PCDHA3: variants seen among roughly 807,000 people sequenced by gnomAD.
PCDHA3 encodes protocadherin alpha 3.
PCDHA3 carries 41 observed loss-of-function variants against 62.2 expected under a neutral mutation model. The observed-to-expected ratio is 0.66, with a 90% CI of 0.51 to 0.86. The LOEUF (loss-of-function observed/expected upper bound fraction) is 0.86, where lower values mean the gene tolerates loss of function less well. PCDHA3 is among the 40% of genes least tolerant of loss of function. The probability of loss-of-function intolerance (pLI) is 0.00; values close to 1 mark genes in which losing one functional copy is unlikely to be tolerated. For missense variants in PCDHA3, 1,304 were observed against 1,241.2 expected, an observed-to-expected ratio of 1.05 and a Z score of -0.76; for synonymous variants, 640 against 555.4, an observed-to-expected ratio of 1.15 and a Z score of -2.14.
At chr5:140,843,912 C>T in intron 1 of PCDHA3, 1 of 634,402 alleles carries the variant, frequency 1.6e-6, no homozygotes, top group East Asian at 2.9e-5. Flanking sequence ...CAAGTTGGGT[C>T]TATCTTGAAA....
chr5:140,843,328 G>T lies in PCDHA3; in HGVS notation c.2394+39737G>T, dbSNP rs2150357585. On this transcript the variant is annotated intron_variant, in intron 1 of 3. Coordinates refer to ENST00000522353, the MANE Select transcript of PCDHA3 (RefSeq NM_018906.3). ...CCACGGCCACGGTTCTGGTGTCGCT[G>T]GTGGAGAGCGGCCAGGCTCCAAAAG... 18 of 1,595,922 alleles carry T rather than the reference G, an allele frequency of 1.1e-5. 1 individual carries two copies. The South Asian group carries it at 1.7e-4, about 15-fold the overall frequency.
chr5:140,915,850 C>A (rs2077335554), intron 1 of PCDHA3, among the ~76,000 whole-genome samples: 1 of 152,140 alleles, frequency 6.6e-6, no homozygotes, highest in South Asian at 2.1e-4. Context: ...GGGGTGACAC[C>A]AGCCAAGTTT....
intron 1 of PCDHA3, chr5:140,928,682 C>T (rs782513735): frequency 6.2e-7 from 1 of 1,614,174 alleles, no homozygotes; most frequent in Non-Finnish European, 8.5e-7. Flanking sequence ...GCCTGGCTTT[C>T]CTACCACATC....
chr5:140,855,609 T>C (rs1471221233), intron 1 of PCDHA3, among the ~76,000 whole-genome samples: 1 of 149,748 alleles, frequency 6.7e-6, no homozygotes, highest in African/African-American at 2.5e-5. Flanking sequence ...TATGCAAATA[T>C]TAAGGGCATT....
rs190430267 is a variant in PCDHA3 at position 140,870,766 on chromosome 5, C to A, written c.2394+67175C>A. The A allele has an allele frequency of 3.4e-4, 554 of 1,613,562 alleles. 3 individuals are homozygous for A. The African/African-American group carries it at 6.6e-3, about 19-fold the overall frequency. On this transcript the variant is annotated intron_variant, in intron 1 of 3. Coordinates refer to ENST00000522353, the MANE Select transcript of PCDHA3 (RefSeq NM_018906.3). ...CAACGTGACGCTGCAGGTGTTCGTG[C>A]TGGACGAGAACGACAACGCGCCGGC...
At chr5:140,823,256 T>C (rs1269305597) in intron 1 of PCDHA3, 5 of 1,613,056 alleles carry the variant, frequency 3.1e-6, no homozygotes, top group African/African-American at 1.3e-5. Context: ...TACTCGCTGG[T>C]GGAGCGGCGG....
chr5:140,865,389 A>T (rs1184678268), intron 1 of PCDHA3: 2 of 152,350 alleles, frequency 1.3e-5, no homozygotes, highest in Non-Finnish European at 2.9e-5. Flanking sequence ...GGGTAAAGTT[A>T]ATATAAATGC....
At chr5:140,898,930 G>A (rs2067050521) in intron 1 of PCDHA3, among the ~76,000 whole-genome samples, 1 of 152,054 alleles carries the variant, frequency 6.6e-6, no homozygotes, top group African/African-American at 2.4e-5. Context: ...GGATTCCTAA[G>A]TATTTTATTC....
At chr5:140,848,525 G>A (rs1243766523) in intron 1 of PCDHA3, 1 of 1,594,042 alleles carries the variant, frequency 6.3e-7, no homozygotes, top group Non-Finnish European at 8.6e-7. Context: ...GAGATCCAGA[G>A]GGTCAGCCTC....
chr5:140,871,673 C>T (rs980419228), intron 1 of PCDHA3: 1 of 1,142,814 alleles, frequency 8.8e-7, no homozygotes, highest in East Asian at 2.6e-5. Flanking sequence ...GTCTTTTAAT[C>T]ATATGAATAA....
At chr5:140,882,365 T>C (rs141224516) in intron 1 of PCDHA3, 1 of 1,614,208 alleles carries the variant, frequency 6.2e-7, no homozygotes, top group Non-Finnish European at 8.5e-7. Context: ...CCAGCTCCAC[T>C]ACTCCGTCCC....
At position 140,803,454 on chromosome 5, in the gene PCDHA3, C is replaced by T. The variant is rs1554122835; in HGVS notation, c.2257C>T (p.Gln753Ter). The T allele has an allele frequency of 2.5e-6, 4 of 1,614,114 alleles. No homozygotes were observed. Among genetic ancestry groups the T allele is most frequent in the African/African-American group, 1.3e-5 (1 of 74,940 alleles). ...GGTGGGGAGCTGGTCATACTCGCAG[C>T]AGAGGCAGCAGAGGGTGTGCTCTGG... ...SAVGSWSYSQ[Q>*]RQQRVCSGEG... The change falls in exon 1 of 4, where the codon CAG becomes TAG. Residue 753 changes from glutamine to a stop codon, truncating the protein, a stop_gained. Coordinates refer to ENST00000522353, the MANE Select transcript of PCDHA3 (RefSeq NM_018906.3). LOFTEE classifies it high-confidence loss of function.
At chr5:140,839,650 T>C (rs1297660391) in intron 1 of PCDHA3, among the ~76,000 whole-genome samples, 1 of 152,088 alleles carries the variant, frequency 6.6e-6, no homozygotes, top group African/African-American at 2.4e-5. Flanking sequence ...TCTTTACAAA[T>C]TGTTTGCTAC....
chr5:140,808,283 G>C (rs367717209), intron 1 of PCDHA3: 1 of 1,614,216 alleles, frequency 6.2e-7, no homozygotes, highest in African/African-American at 1.3e-5. Context: ...CGCTCCACTG[G>C]GTACAGTCAT....
chr5:140,841,612 G>A (rs141381378), intron 1 of PCDHA3: 7 of 1,614,012 alleles, frequency 4.3e-6, no homozygotes, highest in African/African-American at 2.7e-5. Context: ...AGCTGTGCGG[G>A]CGGAGCGCGG....
intron 1 of PCDHA3, among the ~76,000 whole-genome samples, chr5:140,916,847 C>T (rs1276107761): frequency 1.3e-5 from 2 of 152,116 alleles, no homozygotes; most frequent in Non-Finnish European, 2.9e-5. Flanking sequence ...GAGCCCAGCC[C>T]AGCACTAGGA....
intron 1 of PCDHA3, among the ~76,000 whole-genome samples, chr5:140,831,515 C>T (rs1771580711): frequency 2.3e-5 from 3 of 128,830 alleles, no homozygotes; most frequent in Admixed American, 1.7e-4. Flanking sequence ...CACCATGCCC[C>T]CCACCTTTTT....
chr5:140,830,262 C>G lies in PCDHA3; in HGVS notation c.2394+26671C>G, dbSNP rs151257683. 6.1e-5 allele frequency: 99 copies of G among 1,613,546 alleles called. No individual in the cohort carries two copies. Among genetic ancestry groups the G allele is most frequent in the Non-Finnish European group, 7.2e-5 (85 of 1,179,698 alleles). ...CTGCTGTACACAGCGCTGCGGTGCT[C>G]GGCGCCACCCACCGAGGGCGCGTGC... On this transcript the variant is annotated intron_variant, in intron 1 of 3. Transcript: ENST00000522353.
At position 140,858,115 on chromosome 5, in the gene PCDHA3, G is replaced by A. The variant is rs371261838; in HGVS notation, c.2394+54524G>A. 5.0e-6 allele frequency: 8 copies of A among 1,597,696 alleles called. 1 individual carries two copies. Among genetic ancestry groups the A allele is most frequent in the Non-Finnish European group, 6.9e-6 (8 of 1,167,654 alleles). ...CTTCAGTGGGCGTGGCGCCCGAGGT[G>A]GCCCTGGTGGATGTCAACGTGTACC... On this transcript the variant is annotated intron_variant, in intron 1 of 3. Transcript: ENST00000522353.
Sources: allele counts gnomAD v4.1 joint callset (sites outside exome capture counted in the v4.1 genomes callset), GRCh38; gene constraint gnomAD v4.1.1; transcripts MANE v1.5; gene names NCBI Gene and HGNC (gene_info 2026-07-23, HGNC 2026-07-21).